ZCCHC4: variants seen among roughly 807,000 people sequenced by gnomAD.
ZCCHC4 encodes the protein zinc finger CCHC-type containing 4.
ZCCHC4 carries 54 observed loss-of-function variants against 67.7 expected under a neutral mutation model. The ratio of observed to expected loss-of-function variants is 0.80; its 90% CI spans 0.64 to 1.00. The LOEUF (loss-of-function observed/expected upper bound fraction) is 1.00. Ranked by LOEUF, ZCCHC4 falls within the 50% of genes least tolerant of loss-of-function variation. ZCCHC4 has a pLI of 0.00. For missense variants in ZCCHC4, 609 were observed against 617.0 expected (o/e 0.99, Z 0.14); for synonymous variants, 198 against 213.5 (o/e 0.93, Z 0.63).
chr4:25,354,041 C>A (rs1032209368), intron 8 of ZCCHC4, among the ~76,000 whole-genome samples: 1 of 152,138 alleles, frequency 6.6e-6, no homozygotes, highest in African/African-American at 2.4e-5. Flanking sequence ...ATGGCAAAAA[C>A]CGCAATTACT....
Position 25,369,226 on chromosome 4 carries a change from A to G in ZCCHC4, c.*62A>G, listed in dbSNP as rs1270507551. On this transcript the variant is annotated 3_prime_UTR_variant, in exon 13 of 13. Coordinates refer to ENST00000302874, the MANE Select transcript of ZCCHC4 (RefSeq NM_024936.3). ...CCAACCTTTGATGCCATTTTCTGAA[A>G]GTGCCACACTGGACTTAAATTCAGC... 1.9e-6 allele frequency: 3 copies of G among 1,595,486 alleles called. No individual in the cohort carries two copies. Among genetic ancestry groups the G allele is most frequent in the African/African-American group, 1.4e-5 (1 of 73,442 alleles).
intron 2 of ZCCHC4, among the ~76,000 whole-genome samples, 177 bp downstream of exon 2, chr4:25,314,341 ATATCT>A (rs1718131573): frequency 6.6e-6 from 1 of 152,262 alleles, no homozygotes; most frequent in African/African-American, 2.4e-5. Flanking sequence ...CTGATTACTG[ATATCT>A]TAAACTACTG....
At chr4:25,319,939 G>C (rs1456827482) in intron 3 of ZCCHC4, among the ~76,000 whole-genome samples, 1 of 151,906 alleles carries the variant, frequency 6.6e-6, no homozygotes, top group Admixed American at 6.6e-5. Context: ...TCATGTTTTT[G>C]TGCAGTTACA....
intron 5 of ZCCHC4, among the ~76,000 whole-genome samples, chr4:25,336,036 A>G (rs961762757): frequency 6.6e-6 from 1 of 152,216 alleles, no homozygotes; most frequent in Non-Finnish European, 1.5e-5. Context: ...TAATTCACTT[A>G]ATAGTCACCA....
At chr4:25,326,640 T>A (rs1718898550) in intron 3 of ZCCHC4, among the ~76,000 whole-genome samples, 1 of 152,236 alleles carries the variant, frequency 6.6e-6, no homozygotes, top group Non-Finnish European at 1.5e-5. Context: ...GTCTTCTTTG[T>A]CCATTATTTT....
At chr4:25,362,447 A>C (rs1026332606) in intron 10 of ZCCHC4, 146 bp downstream of exon 10, 8 of 487,672 alleles carry the variant, frequency 1.6e-5, no homozygotes, top group Middle Eastern at 5.8e-4. Flanking sequence ...ATAATACAAT[A>C]TTTTAAATTA....
chr4:25,351,532 T>C, intron 7 of ZCCHC4, 57 bp from the exon 8 acceptor site: 1 of 1,195,382 alleles, frequency 8.4e-7, no homozygotes, highest in Non-Finnish European at 1.2e-6. Context: ...TTTTCTACTG[T>C]AGCCTTCTAT....
chr4:25,362,144 G>A (rs982680662), intron 9 of ZCCHC4, 82 bp from the exon 10 acceptor site: 1 of 1,457,802 alleles, frequency 6.9e-7, no homozygotes. Flanking sequence ...CCCAGTTTTT[G>A]TAATGAGTGC....
rs1202983489 is a variant in ZCCHC4, at chr4:25,335,200, A to G, written c.686+1212A>G. On this transcript the variant is annotated intron_variant, in intron 5 of 12. Transcript: ENST00000302874. ...GGTGGCTTATGCTTATAATCCCGGC[A>G]CTTTGGGAGGCCAAGGCTGGCAGAT... Among the ~76,000 whole-genome samples the G allele has an allele frequency of 2.0e-5, 3 of 152,250 alleles. No homozygotes were observed. The East Asian group carries it at 5.8e-4, about 29-fold the overall frequency.
chr4:25,340,247 GA>G (rs1719671920), intron 5 of ZCCHC4, among the ~76,000 whole-genome samples: 1 of 152,068 alleles, frequency 6.6e-6, no homozygotes, highest in African/African-American at 2.4e-5. Context: ...ACCGTTTATT[GA>G]AAAGACTGTT....
chr4:25,362,249 A>T lies in ZCCHC4; in HGVS notation c.1157A>T (p.Tyr386Phe). The T allele has an allele frequency of 3.7e-6, 6 of 1,611,556 alleles. No homozygotes were observed. Among genetic ancestry groups the T allele is most frequent in the Non-Finnish European group, 5.1e-6 (6 of 1,178,546 alleles). ...AGATTTTGCTCTCCGTGTCAACGGTATGTTTCTCTAGAGAATCAACACTGT... is the reference window on the plus strand; with the variant it reads ...AGATTTTGCTCTCCGTGTCAACGGTTTGTTTCTCTAGAGAATCAACACTGT... Reference protein sequence around the residue: ...GYRFCSPCQRYVSLENQHCEL... With the variant: ...GYRFCSPCQRFVSLENQHCEL... The change falls in exon 10 of 13, where the codon TAT (tyrosine) becomes TTT (phenylalanine). Residue 386 changes from tyrosine (Y) to phenylalanine (F), a missense_variant. Tyr to Phe is a conservative substitution (Grantham distance 22, BLOSUM62 3). Transcript: ENST00000302874.
intron 8 of ZCCHC4, among the ~76,000 whole-genome samples, chr4:25,361,334 A>G (rs947989707): frequency 4.6e-5 from 7 of 152,128 alleles, no homozygotes; most frequent in Non-Finnish European, 1.5e-5. Flanking sequence ...CCCAGAGGAC[A>G]CCCTTGTCCA....
chr4:25,351,541 A>AT (rs1577346019), intron 7 of ZCCHC4, 48 bp from the exon 8 acceptor site: 1 of 1,326,660 alleles, frequency 7.5e-7, no homozygotes, highest in Non-Finnish European at 1.1e-6. Flanking sequence ...GTAGCCTTCT[A>AT]TTTTTTCTTT....
At chr4:25,315,168 T>G in intron 2 of ZCCHC4, 150 bp from the exon 3 acceptor site, 1 of 601,754 alleles carries the variant, frequency 1.7e-6, no homozygotes. Flanking sequence ...TCTAGAATTT[T>G]CCCAGTTTTC....
At chr4:25,318,338 T>TTC (rs1366295746) in intron 3 of ZCCHC4, among the ~76,000 whole-genome samples, 4 of 143,506 alleles carry the variant, frequency 2.8e-5, no homozygotes, top group African/African-American at 7.7e-5. Flanking sequence ...TTTTTTTTTT[T>TTC]CACTCTCTCT....
chr4:25,364,382 A>G, intron 10 of ZCCHC4, 72 bp from the exon 11 acceptor site: 1 of 1,190,914 alleles, frequency 8.4e-7, no homozygotes, highest in South Asian at 1.8e-5. Context: ...AGACATTTTA[A>G]TTTTTAATTG....
chr4:25,342,963 T>C (rs905367441), intron 5 of ZCCHC4, among the ~76,000 whole-genome samples: 1 of 152,190 alleles, frequency 6.6e-6, no homozygotes, highest in African/African-American at 2.4e-5. Flanking sequence ...TTTTTAAAAA[T>C]GACTGTTGTA....
At chr4:25,338,118 A>G (rs1719552594) in intron 5 of ZCCHC4, among the ~76,000 whole-genome samples, 1 of 152,182 alleles carries the variant, frequency 6.6e-6, no homozygotes, top group Non-Finnish European at 1.5e-5. Context: ...TTGAGACAAC[A>G]TCTTGCTCTG....
Position 25,314,028 on chromosome 4 carries a change from T to TTTTCTATTC in ZCCHC4, c.128-16_128-15insTCTATTCTT, listed in dbSNP as rs1718106133. 6.8e-7 allele frequency: 1 copy of TTTTCTATTC among 1,471,936 alleles called. No homozygotes were observed. The highest frequency in any genetic ancestry group is 1.4e-5 in the African/African-American group (1 of 70,230). The allele number at this position is 1,471,936 out of a possible 1,614,324, so 91.2% of individuals were successfully genotyped here. A position where few individuals can be genotyped will look rare whatever the true frequency, so the allele number is the denominator to read the frequency against. On this transcript the variant is annotated splice_polypyrimidine_tract_variant and intron_variant, in intron 1 of 12. Coordinates refer to ENST00000302874, the MANE Select transcript of ZCCHC4 (RefSeq NM_024936.3). ...CATTACTTGACACTTTTTTTTTTTT[T>TTTTCTATTC]TTCTATTCTGGAACTAGGACCCACT...
Sources: allele counts gnomAD v4.1 joint callset (sites outside exome capture counted in the v4.1 genomes callset), GRCh38; gene constraint gnomAD v4.1.1; transcripts MANE v1.5; gene names NCBI Gene and HGNC (gene_info 2026-07-23, HGNC 2026-07-21).